The following SCAP variants were observed in gnomAD, a reference collection of about 807,000 sequenced individuals.
SCAP encodes the protein sterol regulatory element-binding protein cleavage-activating protein.
In SCAP, 65 loss-of-function variants were observed where a neutral mutation model predicts 123.6. That is an observed-to-expected ratio of 0.53 (90% confidence interval 0.43 to 0.65). The LOEUF (loss-of-function observed/expected upper bound fraction) is 0.65. Among genes scored for constraint, SCAP ranks in the 30% least tolerant of loss-of-function variants. The probability of loss-of-function intolerance (pLI) is 0.00; values close to 1 mark genes in which losing one functional copy is unlikely to be tolerated. For synonymous variants in SCAP, 740 were observed against 726.3 expected (o/e 1.02, Z -0.30); for missense variants, 1,398 against 1,712.5 (o/e 0.82, Z 3.24).
At position 47,451,601 on chromosome 3, in the gene SCAP, G is replaced by A. The variant is rs553543256; in HGVS notation, c.-98-8510C>T. On this transcript the variant is annotated intron_variant, in intron 1 of 22. Transcript: ENST00000265565. ...TTTAATAGAGATGGGGTTTTACCAT[G>A]TTGCCCAGGCTGGTCTTAAACTCTT... Among the ~76,000 whole-genome samples, 10 of 121,608 alleles carry A rather than the reference G, an allele frequency of 8.2e-5. 2 individuals carry two copies. In the South Asian group the frequency reaches 3.2e-3, roughly 38 times the overall value. The allele number at this position is 121,608 out of a possible 152,430, so 79.8% of individuals were successfully genotyped here.
chr3:47,476,123 T>G (rs1708265378), upstream of SCAP: 1 of 151,718 alleles, frequency 6.6e-6, no homozygotes, highest in African/African-American at 2.4e-5. Context: ...TGAAGCCGGG[T>G]TAGGGCCCGC....
At chr3:47,425,899 T>C (rs1001833095) in intron 7 of SCAP, 98 bp downstream of exon 7, 124 of 1,375,822 alleles carry the variant, frequency 9.0e-5, no homozygotes, top group Non-Finnish European at 1.2e-4. Context: ...GTGTTCTATC[T>C]CTCTACCCCA....
chr3:47,426,015 A>G lies in SCAP; in HGVS notation c.892T>C (p.Tyr298His). The G allele has an allele frequency of 6.2e-7, 1 of 1,614,152 alleles. No individual in the cohort carries two copies. The highest frequency in any genetic ancestry group is 8.5e-7 in the Non-Finnish European group (1 of 1,180,012). ...AACCTACGCGTGGAGAAGTAGATGT[A>G]GGCAAACAAGATGATGTAGGTGGTC... is the stretch of plus-strand genomic sequence containing the variant. ...LVTTYIILFA[Y>H]IYFSTRKIDM... Residue 298 changes from tyrosine (Y) to histidine (H), a missense_variant, in exon 7 of 23, where the codon TAC (tyrosine) becomes CAC (histidine). Tyr to His is a moderately conservative substitution (Grantham distance 83). Around this residue, in one of 7 missense-constraint regions of SCAP, gnomAD observed 319 missense variants for 432.4 expected, o/e 0.74. Transcript: ENST00000265565.
chr3:47,460,080 C>T (rs1224404804), intron 1 of SCAP, among the ~76,000 whole-genome samples: 5 of 152,204 alleles, frequency 3.3e-5, no homozygotes, highest in Admixed American at 6.5e-5. Flanking sequence ...AAAAATATGG[C>T]TCTATTCTGC....
intron 15 of SCAP, 21 bp downstream of exon 15, chr3:47,418,300 G>A (rs753641503): frequency 1.8e-4 from 273 of 1,553,588 alleles, no homozygotes; most frequent in Non-Finnish European, 2.3e-4. Context: ...TCCCCTACCC[G>A]GCCACTGTGC....
At chr3:47,433,096 A>C (rs1286219754) in intron 3 of SCAP, among the ~76,000 whole-genome samples, 3 of 152,252 alleles carry the variant, frequency 2.0e-5, no homozygotes, top group Non-Finnish European at 4.4e-5. Flanking sequence ...TTTGAGGCTC[A>C]AACTATATCG....
intron 1 of SCAP, among the ~76,000 whole-genome samples, chr3:47,450,927 T>A (rs1707210504): frequency 8.1e-6 from 1 of 123,616 alleles, no homozygotes; most frequent in Non-Finnish European, 1.8e-5. Flanking sequence ...CATGTCTTAC[T>A]GTAGCCTTGA....
chr3:47,462,389 ACG>A (rs757786734), intron 1 of SCAP, among the ~76,000 whole-genome samples: 4 of 152,176 alleles, frequency 2.6e-5, no homozygotes, highest in Non-Finnish European at 4.4e-5. Flanking sequence ...GTAAAGGCAC[ACG>A]CAGTGAAGCC....
At chr3:47,443,586 G>T (rs187624780) in intron 1 of SCAP, among the ~76,000 whole-genome samples, 1 of 152,118 alleles carries the variant, frequency 6.6e-6, no homozygotes, top group Admixed American at 6.6e-5. Context: ...TCGTGAAGAA[G>T]GTCTAGCGAG....
intron 1 of SCAP, among the ~76,000 whole-genome samples, chr3:47,454,240 A>G (rs760305750): frequency 1.3e-5 from 2 of 151,988 alleles, no homozygotes; most frequent in South Asian, 2.1e-4. Flanking sequence ...GGTGGCGGGC[A>G]CCTGTAGTCC....
intron 1 of SCAP, among the ~76,000 whole-genome samples, chr3:47,459,448 T>C (rs1293783399): frequency 1.3e-5 from 2 of 152,180 alleles, no homozygotes; most frequent in Non-Finnish European, 1.5e-5. Flanking sequence ...TATTTCAACA[T>C]AGGTTCTTTC....
chr3:47,413,697 T>C lies in SCAP; in HGVS notation c.*157A>G, dbSNP rs541557184. On this transcript the variant is annotated 3_prime_UTR_variant, in exon 23 of 23. Transcript: ENST00000265565. ...AGACACAAGTAGCTCCCAAAGTGCC[T>C]GACAGATGATGATATGGTTTTTTAA... is the stretch of plus-strand genomic sequence containing the variant. 9 of 1,031,250 alleles carry C rather than the reference T, an allele frequency of 8.7e-6. No individual in the cohort carries two copies. The South Asian group carries it at 1.4e-4, about 16-fold the overall frequency. The allele number at this position is 1,031,250 out of a possible 1,614,324, so 63.9% of individuals were successfully genotyped here.
rs1208493512 is a variant in SCAP, at chr3:47,432,356, AG to A, written c.252+2651del. Among the ~76,000 whole-genome samples, 370 of 151,386 alleles carry A rather than the reference AG, an allele frequency of 2.4e-3. 1 individual carries two copies. The highest frequency in any genetic ancestry group is 8.5e-3 in the African/African-American group (349 of 41,294). On this transcript the variant is annotated intron_variant, in intron 3 of 22. Coordinates refer to ENST00000265565, the MANE Select transcript of SCAP (RefSeq NM_012235.4). ...AAGAAAAGAAAAAGGAAAAAAAAAA[AG>A]AAAAAAAAATTGCTCTAGCACTGAC...
At chr3:47,428,383 C>A (rs1706228405) in intron 4 of SCAP, 130 bp downstream of exon 4, 2 of 987,250 alleles carry the variant, frequency 2.0e-6, no homozygotes, top group Admixed American at 4.6e-5. Context: ...AAGGCTAGCT[C>A]ACCCTCCATC....
At chr3:47,462,366 G>A (rs1302264358) in intron 1 of SCAP, among the ~76,000 whole-genome samples, 1 of 151,966 alleles carries the variant, frequency 6.6e-6, no homozygotes, top group African/African-American at 2.4e-5. Flanking sequence ...CTGCCCCATC[G>A]GCTATCTGTG....
At chr3:47,417,269 C>CAGCCGCTCTGCCCACCTTT (rs1401599699) in intron 17 of SCAP, 35 bp downstream of exon 17, 12 of 1,611,980 alleles carry the variant, frequency 7.4e-6, no homozygotes, top group Non-Finnish European at 1.0e-5. Flanking sequence ...CCGGGGCGGA[C>CAGCCGCTCTGCCCACCTTT]AGCCGCTCTG....
intron 10 of SCAP, 50 bp downstream of exon 10, chr3:47,422,392 C>A: frequency 6.5e-7 from 1 of 1,530,744 alleles, no homozygotes; most frequent in Non-Finnish European, 9.0e-7. Context: ...AGCTGGGGAG[C>A]ACAGCAGTTG....
intron 1 of SCAP, among the ~76,000 whole-genome samples, chr3:47,466,590 A>G (rs1383451181): frequency 2.0e-5 from 3 of 152,224 alleles, no homozygotes; most frequent in African/African-American, 7.2e-5. Flanking sequence ...AAAACTGGAT[A>G]GTTACACGCA....
chr3:47,474,377 T>C (rs1372281197), intron 1 of SCAP, among the ~76,000 whole-genome samples: 10 of 152,356 alleles, frequency 6.6e-5, no homozygotes, highest in Middle Eastern at 3.4e-3. Flanking sequence ...AGAATAAATA[T>C]GGAAATATAT....
Sources: allele counts gnomAD v4.1 joint callset (sites outside exome capture counted in the v4.1 genomes callset), GRCh38; gene constraint gnomAD v4.1.1; regional missense constraint gnomAD v4.1.1; transcripts MANE v1.5; gene names NCBI Gene and HGNC (gene_info 2026-07-23, HGNC 2026-07-21).